The following PRR16 variants were observed in gnomAD, a reference collection of about 807,000 sequenced individuals.
PRR16 encodes the protein proline rich 16, also known as protein Largen.
Under a neutral mutation model 18.2 loss-of-function variants are expected in PRR16, and 6 were observed. That is an observed-to-expected ratio of 0.33 (90% confidence interval 0.18 to 0.65). The LOEUF is 0.65. Among genes scored for constraint, PRR16 ranks in the 30% least tolerant of loss-of-function variants. The pLI is 0.74. For synonymous variants in PRR16, 151 were observed against 147.8 expected (o/e 1.02, Z -0.16); for missense variants, 412 against 376.6 (o/e 1.09, Z -0.78).
the PRR16 span, among the ~76,000 whole-genome samples, chr5:120,707,953 T>G: frequency 0.01 from 1,596 of 152,110 alleles, 22 homozygotes; most frequent in African/African-American, 0.037. Flanking sequence ...GAGAGAGAAG[T>G]CTTCATCTCA....
the PRR16 span, among the ~76,000 whole-genome samples, chr5:120,709,623 C>T: frequency 6.6e-6 from 1 of 152,104 alleles, no homozygotes; most frequent in Non-Finnish European, 1.5e-5. Context: ...TAACCAAACC[C>T]TCTTCCTCCC....
At chr5:120,777,079 T>C in the PRR16 span, among the ~76,000 whole-genome samples, 1 of 152,096 alleles carries the variant, frequency 6.6e-6, no homozygotes, top group South Asian at 2.1e-4. Flanking sequence ...GTCCCCAAGC[T>C]CTTGGTTCTC....
At chr5:120,693,493 G>C in the PRR16 span, among the ~76,000 whole-genome samples, 1 of 152,210 alleles carries the variant, frequency 6.6e-6, no homozygotes, top group Admixed American at 6.5e-5. Context: ...AGGCAAAACG[G>C]ATATGCAATT....
chr5:120,717,168 C>G, the PRR16 span, among the ~76,000 whole-genome samples: 1 of 152,104 alleles, frequency 6.6e-6, no homozygotes, highest in Non-Finnish European at 1.5e-5. Flanking sequence ...ATTTGGAATA[C>G]ATTTTCAGTT....
intron 1 of PRR16, among the ~76,000 whole-genome samples, chr5:120,475,726 G>C (rs900984825): frequency 6.6e-6 from 1 of 152,006 alleles, no homozygotes; most frequent in African/African-American, 2.4e-5. Context: ...GACAGAAAAA[G>C]ACTCTGCCTC....
chr5:120,680,943 A>G (rs75746784), intron 1 of PRR16, among the ~76,000 whole-genome samples: 2,026 of 152,232 alleles, frequency 0.013, 18 homozygotes, highest in Non-Finnish European at 0.021. Context: ...GTTGGTATAG[A>G]TACTATATGT....
At chr5:120,773,185 G>A in the PRR16 span, among the ~76,000 whole-genome samples, 5 of 151,976 alleles carry the variant, frequency 3.3e-5, no homozygotes, top group Non-Finnish European at 5.9e-5. Flanking sequence ...ATTTTTATTA[G>A]TATCAGTTAA....
intron 1 of PRR16, among the ~76,000 whole-genome samples, chr5:120,483,623 A>G (rs951561666): frequency 2.6e-5 from 4 of 152,174 alleles, no homozygotes; most frequent in Non-Finnish European, 5.9e-5. Flanking sequence ...TGTTGATTGA[A>G]TAAATGTCAG....
chr5:120,759,976 G>A, the PRR16 span, among the ~76,000 whole-genome samples: 5 of 151,860 alleles, frequency 3.3e-5, no homozygotes, highest in African/African-American at 1.2e-4. Flanking sequence ...CTCTCTGAAG[G>A]GGGTGTGTGT....
At chr5:120,493,645 G>C (rs1339134005) in intron 1 of PRR16, among the ~76,000 whole-genome samples, 1 of 152,014 alleles carries the variant, frequency 6.6e-6, no homozygotes, top group African/African-American at 2.4e-5. Context: ...TTGCCACAAG[G>C]ATCTCTCCTA....
chr5:120,703,719 T>C, the PRR16 span, among the ~76,000 whole-genome samples: 2 of 152,178 alleles, frequency 1.3e-5, no homozygotes, highest in Non-Finnish European at 2.9e-5. Flanking sequence ...AATATTATTT[T>C]TATGTCTCTG....
intron 1 of PRR16, among the ~76,000 whole-genome samples, chr5:120,634,697 A>G (rs992666140): frequency 3.3e-5 from 5 of 152,162 alleles, no homozygotes; most frequent in African/African-American, 7.2e-5. Flanking sequence ...GTCAGACTTC[A>G]TGAAATTGGA....
chr5:120,742,447 A>G, the PRR16 span, among the ~76,000 whole-genome samples: 1 of 151,344 alleles, frequency 6.6e-6, no homozygotes. Context: ...TTCATTATGT[A>G]TTTTTTAATA....
intron 1 of PRR16, among the ~76,000 whole-genome samples, chr5:120,627,237 G>A (rs1754897300): frequency 6.6e-6 from 1 of 152,054 alleles, no homozygotes; most frequent in Non-Finnish European, 1.5e-5. Context: ...CCGAGATGTG[G>A]CTAGCACTCC....
intron 1 of PRR16, among the ~76,000 whole-genome samples, chr5:120,655,833 T>C (rs540992674): frequency 6.6e-6 from 1 of 151,800 alleles, no homozygotes; most frequent in African/African-American, 2.4e-5. Flanking sequence ...CTTGAAGATC[T>C]AGGTGGATTT....
intron 1 of PRR16, among the ~76,000 whole-genome samples, chr5:120,479,391 T>A (rs1749540117): frequency 6.6e-6 from 1 of 152,160 alleles, no homozygotes; most frequent in Non-Finnish European, 1.5e-5. Flanking sequence ...CAGGTTTTAG[T>A]TGTGCAGTTT....
At chr5:120,538,333 C>T (rs1000407883) in intron 1 of PRR16, among the ~76,000 whole-genome samples, 1 of 152,260 alleles carries the variant, frequency 6.6e-6, no homozygotes, top group African/African-American at 2.4e-5. Context: ...GAAAACATAG[C>T]ATTTTCAGTT....
intron 1 of PRR16, among the ~76,000 whole-genome samples, chr5:120,591,078 G>C (rs966769891): frequency 6.6e-6 from 1 of 152,006 alleles, no homozygotes; most frequent in African/African-American, 2.4e-5. Context: ...AGGAGTTTGA[G>C]ACCAGCCTGG....
chr5:120,725,810 T>C, the PRR16 span, among the ~76,000 whole-genome samples: 4 of 152,016 alleles, frequency 2.6e-5, no homozygotes, highest in African/African-American at 9.7e-5. Flanking sequence ...CTGGGTAAAA[T>C]TGATTTTCAA....
Sources: gnomAD v4.1 joint callset for allele counts (sites outside exome capture counted in the v4.1 genomes callset) on GRCh38, gnomAD v4.1.1 for gene constraint, MANE v1.5 for transcripts, NCBI Gene and HGNC (gene_info 2026-07-23, HGNC 2026-07-21) for gene names.